Variants in SLC3A1 observed in about 807,000 individuals in gnomAD.
SLC3A1 encodes the protein solute carrier family 3 member 1.
A neutral mutation model predicts 60.3 loss-of-function variants in SLC3A1; 78 were observed. The observed-to-expected ratio is 1.29, with a 90% CI of 1.08 to 1.56. SLC3A1 has a LOEUF of 1.56. SLC3A1 is among the 40% of genes most tolerant of loss of function. The pLI is 0.00. For synonymous variants in SLC3A1, 392 were observed against 307.9 expected, an observed-to-expected ratio of 1.27 and a Z score of -2.86; for missense variants, 1,172 against 858.9, an observed-to-expected ratio of 1.36 and a Z score of -4.56.
intron 6 of SLC3A1, among the ~76,000 whole-genome samples, chr2:44,302,727 G>A (rs1445918123): frequency 6.6e-6 from 1 of 152,206 alleles, no homozygotes; most frequent in African/African-American, 2.4e-5. Flanking sequence ...TCCAATACAA[G>A]GGGGAAGTTC....
rs962293972 is a variant in SLC3A1 at position 44,275,716 on chromosome 2, G to C, written c.181G>C (p.Gly61Arg). 8 of 1,614,184 alleles carry C rather than the reference G, an allele frequency of 5.0e-6. No individual in the cohort carries two copies. Among genetic ancestry groups the C allele is most frequent in the Non-Finnish European group, 5.9e-6 (7 of 1,180,012 alleles). Residue 61 changes from glycine (G) to arginine (R), a missense_variant, in exon 1 of 10, where the codon GGC becomes CGC. Gly to Arg is a moderately radical substitution (Grantham distance 125, BLOSUM62 -2). Coordinates refer to ENST00000260649, the MANE Select transcript of SLC3A1 (RefSeq NM_000341.4). ...ILGSQEPDFK[G>R]VQPYAGMPKE... ...TGGCTCCCAGGAGCCCGACTTCAAG[G>C]GCGTCCAGCCCTATGCGGGGATGCC... is the stretch of plus-strand genomic sequence containing the variant.
chr2:44,317,221 G>C (rs1672500017), intron 9 of SLC3A1, among the ~76,000 whole-genome samples: 1 of 152,132 alleles, frequency 6.6e-6, no homozygotes, highest in South Asian at 2.1e-4. Context: ...CCAGCACTTT[G>C]GGAGGCCAAG....
intron 4 of SLC3A1, among the ~76,000 whole-genome samples, chr2:44,293,825 G>A (rs1671789780): frequency 6.6e-6 from 1 of 152,154 alleles, no homozygotes; most frequent in Non-Finnish European, 1.5e-5. Context: ...TACCAACCAT[G>A]ACCTTGTCAA....
chr2:44,322,052 G>T (rs778925684), downstream of SLC3A1: 6 of 748,928 alleles, frequency 8.0e-6, no homozygotes, highest in Non-Finnish European at 1.3e-5. Flanking sequence ...AAAAAGATGG[G>T]AGGGGACAAG....
chr2:44,299,987 G>C lies in SLC3A1; in HGVS notation c.908G>C (p.Trp303Ser). The C allele has an allele frequency of 6.2e-7, 1 of 1,614,016 alleles. No individual in the cohort carries two copies. The highest frequency in any genetic ancestry group is 8.5e-7 in the Non-Finnish European group (1 of 1,179,950). The change falls in exon 5 of 10, where the codon TGG becomes TCG. Residue 303 changes from tryptophan to serine, a missense_variant. Transcript: ENST00000260649. Reference protein sequence around the residue: ...QEEIKEILRFWLTKGVDGFSL... With the variant: ...QEEIKEILRFSLTKGVDGFSL... ...CATCTTTAGGAAATTTTACGGTTCTGGCTCACAAAGGGTGTTGATGGTTTT... is the reference window on the plus strand; with the variant it reads ...CATCTTTAGGAAATTTTACGGTTCTCGCTCACAAAGGGTGTTGATGGTTTT...
At chr2:44,278,897 T>A (rs1428838470) in intron 1 of SLC3A1, among the ~76,000 whole-genome samples, 1 of 152,166 alleles carries the variant, frequency 6.6e-6, no homozygotes, top group Non-Finnish European at 1.5e-5. Context: ...TGGCACAAAC[T>A]TACCTTCTGT....
Position 44,315,653 on chromosome 2 carries a change from C to CAAAA in SLC3A1, c.1617+1721_1617+1724dup, listed in dbSNP as rs70965350. ...CCTGGGTGCCAGAGTAAGACCGCCT[C>CAAAA]AAAAAAAAAAAAAAAAAAAAAAGCA... On this transcript the variant is annotated intron_variant, in intron 9 of 9. Coordinates refer to ENST00000260649, the MANE Select transcript of SLC3A1 (RefSeq NM_000341.4). Among the ~76,000 whole-genome samples the CAAAA allele has an allele frequency of 7.4e-3, 384 of 51,810 alleles. 5 individuals are homozygous for CAAAA. The highest frequency in any genetic ancestry group is 8.8e-3 in the Non-Finnish European group (261 of 29,714). The allele number at this position is 51,810 out of a possible 152,430, so 34.0% of individuals were successfully genotyped here. A position where few individuals can be genotyped will look rare whatever the true frequency, so the allele number is the denominator to read the frequency against.
At chr2:44,284,648 G>C (rs143593325) in intron 3 of SLC3A1, among the ~76,000 whole-genome samples, 1 of 151,912 alleles carries the variant, frequency 6.6e-6, no homozygotes, top group Non-Finnish European at 1.5e-5. Context: ...CTGCAGTCTC[G>C]AGCTCCTAGG....
At chr2:44,298,943 TGTATGA>T (rs1248021489) in intron 4 of SLC3A1, among the ~76,000 whole-genome samples, 1 of 151,976 alleles carries the variant, frequency 6.6e-6, no homozygotes, top group Non-Finnish European at 1.5e-5. Flanking sequence ...TAAAATTAAA[TGTATGA>T]GAACCTGGAT....
chr2:44,303,869 T>C (rs1220807665), intron 6 of SLC3A1: 3 of 577,812 alleles, frequency 5.2e-6, no homozygotes, highest in African/African-American at 3.7e-5. Context: ...CTTAGAATGA[T>C]GGTTTCCAGC....
chr2:44,295,876 A>G (rs1204676363), intron 4 of SLC3A1, among the ~76,000 whole-genome samples: 2 of 152,210 alleles, frequency 1.3e-5, no homozygotes, highest in Non-Finnish European at 2.9e-5. Context: ...CAATGTTCAC[A>G]CTTTTAAAGA....
chr2:44,294,839 C>A (rs185839760), intron 4 of SLC3A1, among the ~76,000 whole-genome samples: 117 of 152,272 alleles, frequency 7.7e-4, no homozygotes, highest in African/African-American at 2.7e-3. Context: ...CTTTCTCATT[C>A]CTTCTTGAGA....
At chr2:44,290,248 G>T (rs1671712117) in intron 4 of SLC3A1, among the ~76,000 whole-genome samples, 1 of 151,734 alleles carries the variant, frequency 6.6e-6, no homozygotes, top group Non-Finnish European at 1.5e-5. Context: ...ATAAATGCAT[G>T]GGTTTATTTC....
At chr2:44,279,540 C>G (rs868250328) in intron 1 of SLC3A1, among the ~76,000 whole-genome samples, 1 of 150,162 alleles carries the variant, frequency 6.7e-6, no homozygotes, top group Middle Eastern at 3.5e-3. Flanking sequence ...CCACCCCTGC[C>G]TGCAGACACT....
Position 44,301,286 on chromosome 2 carries a change from C to A in SLC3A1, c.1136+159C>A, listed in dbSNP as rs1672000184. 19 of 911,190 alleles carry A rather than the reference C, an allele frequency of 2.1e-5. 2 individuals are homozygous for A. The South Asian group carries it at 2.6e-4, about 12-fold the overall frequency. 56.4% of individuals were successfully genotyped at this position (911,190 alleles called of 1,614,324 possible). A position where few individuals can be genotyped will look rare whatever the true frequency, so the allele number is the denominator to read the frequency against. On this transcript the variant is annotated intron_variant, in intron 6 of 9. Transcript: ENST00000260649. ...TGGTTGTACCAGGGCCTGCCATATT[C>A]CTTTCCTGTTTGCTTATTTTGCTGA...
chr2:44,299,985 C>T lies in SLC3A1; in HGVS notation c.906C>T (p.Phe302=), dbSNP rs550500576. 6.8e-6 allele frequency: 11 copies of T among 1,614,070 alleles called. No homozygotes were observed. Among genetic ancestry groups the T allele is most frequent in the African/African-American group, 1.3e-5 (1 of 75,048 alleles). The change falls in exon 5 of 10, where the codon TTC becomes TTT. Residue 302 remains phenylalanine (F), a synonymous_variant. Transcript: ENST00000260649. ...TTCATCTTTAGGAAATTTTACGGTTCTGGCTCACAAAGGGTGTTGATGGTT... is the reference window on the plus strand; with the variant it reads ...TTCATCTTTAGGAAATTTTACGGTTTTGGCTCACAAAGGGTGTTGATGGTT... ...VQEEIKEILR[F]WLTKGVDGFS... is the part of the protein sequence containing the mutation.
In SLC3A1 at chr2:44,275,527, C is replaced by G; in HGVS notation, c.-9C>G. 6.2e-7 allele frequency: 1 copy of G among 1,612,774 alleles called. No homozygotes were observed. The highest frequency in any genetic ancestry group is 1.1e-5 in the South Asian group (1 of 90,710). ...AGGAAGGCACTCCGAAGACATAAGT[C>G]GGTGAGACATGGCTGAAGATAAAAG... On this transcript the variant is annotated 5_prime_UTR_variant, in exon 1 of 10. Coordinates refer to ENST00000260649, the MANE Select transcript of SLC3A1 (RefSeq NM_000341.4).
chr2:44,300,767 T>G (rs994459486), intron 5 of SLC3A1, among the ~76,000 whole-genome samples: 19 of 152,200 alleles, frequency 1.2e-4, no homozygotes, highest in African/African-American at 3.9e-4. Context: ...TTTTGCTTGG[T>G]AAAATTTATT....
intron 4 of SLC3A1, among the ~76,000 whole-genome samples, chr2:44,292,993 G>A (rs1010218787): frequency 6.6e-6 from 1 of 152,066 alleles, no homozygotes; most frequent in Non-Finnish European, 1.5e-5. Flanking sequence ...TGCAGTAATC[G>A]GGAAAGAAAT....
Sources: gnomAD v4.1 joint callset for allele counts (sites outside exome capture counted in the v4.1 genomes callset) on GRCh38, gnomAD v4.1.1 for gene constraint, MANE v1.5 for transcripts, NCBI Gene and HGNC (gene_info 2026-07-23, HGNC 2026-07-21) for gene names.